Variants in CSGALNACT1 observed in about 807,000 individuals in gnomAD.
CSGALNACT1 encodes beta4GalNAcT-1.
CSGALNACT1 carries 52 observed loss-of-function variants against 51.0 expected under a neutral mutation model. The observed-to-expected ratio is 1.02, with a 90% CI of 0.82 to 1.29. The LOEUF is 1.29. Among genes scored for constraint, CSGALNACT1 ranks in the 50% most tolerant of loss-of-function variants. The pLI is 0.00. For synonymous variants in CSGALNACT1, 341 were observed against 254.4 expected (o/e 1.34, Z -3.24); for missense variants, 935 against 679.2 (o/e 1.38, Z -4.19).
intron 1 of CSGALNACT1, among the ~76,000 whole-genome samples, chr8:19,675,527 C>T (rs1021080524): frequency 5.9e-5 from 9 of 152,044 alleles, no homozygotes; most frequent in Admixed American, 5.2e-4. Context: ...TCTCCTCTGA[C>T]ACCAAGGCTG....
chr8:19,450,537 C>T (rs1182636436), intron 5 of CSGALNACT1, among the ~76,000 whole-genome samples: 1 of 152,192 alleles, frequency 6.6e-6, no homozygotes, highest in Middle Eastern at 3.4e-3. Flanking sequence ...CCCACATCAG[C>T]CAGGACAATG....
intron 4 of CSGALNACT1, among the ~76,000 whole-genome samples, chr8:19,492,396 T>G (rs1052564821): frequency 6.6e-6 from 1 of 152,232 alleles, no homozygotes; most frequent in African/African-American, 2.4e-5. Flanking sequence ...GATGGTAAAT[T>G]TCATCTACCT....
intron 6 of CSGALNACT1, among the ~76,000 whole-genome samples, chr8:19,433,433 C>G (rs1266812543): frequency 6.6e-6 from 1 of 152,188 alleles, no homozygotes; most frequent in Non-Finnish European, 1.5e-5. Context: ...TTCAAAGGCC[C>G]TATGAATATC....
chr8:19,689,643 G>T (rs1167245066), intron 1 of CSGALNACT1, among the ~76,000 whole-genome samples: 1 of 152,154 alleles, frequency 6.6e-6, no homozygotes, highest in East Asian at 1.9e-4. Context: ...TTTATAGGAG[G>T]CCATTGATTT....
At chr8:19,470,954 G>C (rs1405911477) in intron 4 of CSGALNACT1, among the ~76,000 whole-genome samples, 1 of 152,046 alleles carries the variant, frequency 6.6e-6, no homozygotes, top group African/African-American at 2.4e-5. Flanking sequence ...AAATTAGCTG[G>C]GCGTGGTGGT....
At chr8:19,612,243 T>C (rs987159274) in intron 1 of CSGALNACT1, among the ~76,000 whole-genome samples, 16 of 151,896 alleles carry the variant, frequency 1.1e-4, no homozygotes, top group Non-Finnish European at 1.8e-4. Flanking sequence ...CTCAGGTGCC[T>C]GAGGCGAGAG....
At chr8:19,418,609 G>C (rs1434665895) in intron 8 of CSGALNACT1, 47 bp downstream of exon 7, 1 of 1,237,120 alleles carries the variant, frequency 8.1e-7, no homozygotes, top group East Asian at 2.3e-5. Flanking sequence ...GGTAATGACA[G>C]ACACTAAACA....
intron 1 of CSGALNACT1, among the ~76,000 whole-genome samples, chr8:19,666,873 GAAA>G (rs2059285526): frequency 7.6e-6 from 1 of 130,812 alleles, no homozygotes; most frequent in Non-Finnish European, 1.6e-5. Flanking sequence ...AAGAAAGAAA[GAAA>G]GAAAGAAAGA....
chr8:19,486,380 C>T (rs1248636494), intron 4 of CSGALNACT1, among the ~76,000 whole-genome samples: 4 of 152,130 alleles, frequency 2.6e-5, no homozygotes. Context: ...TCCAGAAAAA[C>T]CCTTCTAAAA....
intron 2 of CSGALNACT1, among the ~76,000 whole-genome samples, chr8:19,600,454 A>G (rs7003381): frequency 0.14 from 21,961 of 152,138 alleles, 1,845 homozygotes; most frequent in African/African-American, 0.24. Context: ...TATGGTCTAC[A>G]TGGGGTTGTA....
At chr8:19,613,061 G>C (rs2052516375) in intron 1 of CSGALNACT1, among the ~76,000 whole-genome samples, 2 of 141,340 alleles carry the variant, frequency 1.4e-5, no homozygotes, top group South Asian at 4.6e-4. Flanking sequence ...GGTTTTCACT[G>C]AATTGAAAAT....
chr8:19,705,651 T>G (rs2062117619), intron 1 of CSGALNACT1, among the ~76,000 whole-genome samples: 1 of 152,008 alleles, frequency 6.6e-6, no homozygotes, highest in Non-Finnish European at 1.5e-5. Context: ...GTGGGAGGAT[T>G]GCCTGAGCCG....
At chr8:19,619,258 T>TG (rs2053503192) in intron 1 of CSGALNACT1, among the ~76,000 whole-genome samples, 1 of 92,584 alleles carries the variant, frequency 1.1e-5, no homozygotes, top group African/African-American at 3.7e-5. Context: ...CGGGGGGGGG[T>TG]GGGCCTTGAA....
chr8:19,753,340 T>A (rs910309691), intron 1 of CSGALNACT1, among the ~76,000 whole-genome samples: 1 of 146,722 alleles, frequency 6.8e-6, no homozygotes, highest in Non-Finnish European at 1.5e-5. Flanking sequence ...ATTACTGACC[T>A]AGACCTTGAT....
intron 6 of CSGALNACT1, among the ~76,000 whole-genome samples, chr8:19,431,496 T>G (rs527384771): frequency 6.6e-6 from 1 of 152,094 alleles, no homozygotes; most frequent in Admixed American, 6.5e-5. Flanking sequence ...CAAACTTGCA[T>G]TCCTGAAAAA....
chr8:19,504,049 T>G (rs893266456), intron 4 of CSGALNACT1, among the ~76,000 whole-genome samples: 1 of 152,178 alleles, frequency 6.6e-6, no homozygotes, highest in Non-Finnish European at 1.5e-5. Context: ...TGGTGTTAGG[T>G]GGACACAGCT....
intron 1 of CSGALNACT1, among the ~76,000 whole-genome samples, chr8:19,610,911 T>C (rs183169562): frequency 6.6e-6 from 1 of 152,306 alleles, no homozygotes; most frequent in East Asian, 1.9e-4. Context: ...TGGTAGCACA[T>C]GCCCACTGCG....
intron 1 of CSGALNACT1, among the ~76,000 whole-genome samples, chr8:19,633,332 C>G (rs1344835973): frequency 4.6e-5 from 7 of 152,100 alleles, no homozygotes; most frequent in African/African-American, 1.7e-4. Flanking sequence ...GACAACCATA[C>G]TACTCTCACC....
At chr8:19,425,929 C>G (rs1326885540) in intron 6 of CSGALNACT1, among the ~76,000 whole-genome samples, 1 of 152,158 alleles carries the variant, frequency 6.6e-6, no homozygotes, top group Non-Finnish European at 1.5e-5. Context: ...CGCAAACTTA[C>G]AGTGCGCACT....
Sources: gnomAD v4.1 joint callset for allele counts (sites outside exome capture counted in the v4.1 genomes callset) on GRCh38, gnomAD v4.1.1 for gene constraint, MANE v1.5 for transcripts, NCBI Gene and HGNC (gene_info 2026-07-23, HGNC 2026-07-21) for gene names.